FAM3C: variants seen among roughly 807,000 people sequenced by gnomAD.
The protein encoded by FAM3C is FAM3 metabolism regulating signaling molecule C.
Under a neutral mutation model 32.5 loss-of-function variants are expected in FAM3C, and 15 were observed. That is an observed-to-expected ratio of 0.46 (90% CI 0.31 to 0.71). The LOEUF (loss-of-function observed/expected upper bound fraction) is 0.71. Ranked by LOEUF, FAM3C falls within the 30% of genes least tolerant of loss-of-function variation. The probability of loss-of-function intolerance (pLI) is 0.05; values close to 1 mark genes in which losing one functional copy is unlikely to be tolerated. For missense variants in FAM3C, 175 were observed against 274.4 expected (o/e 0.64, Z 2.56); for synonymous variants, 75 against 86.1 (o/e 0.87, Z 0.72).
At chr7:121,374,597 C>T (rs1406189805) in intron 3 of FAM3C, among the ~76,000 whole-genome samples, 4 of 152,028 alleles carry the variant, frequency 2.6e-5, no homozygotes, top group Admixed American at 2.0e-4. Context: ...AAACAAATGA[C>T]GAAGATAACC....
At chr7:121,359,839 G>A (rs1793884421) in intron 8 of FAM3C, among the ~76,000 whole-genome samples, 1 of 151,990 alleles carries the variant, frequency 6.6e-6, no homozygotes, top group African/African-American at 2.4e-5. Flanking sequence ...CATATGATGT[G>A]ATTCTAATTT....
chr7:121,368,186 T>G (rs1794062266), intron 5 of FAM3C, among the ~76,000 whole-genome samples: 1 of 152,176 alleles, frequency 6.6e-6, no homozygotes, highest in South Asian at 2.1e-4. Flanking sequence ...ACCCAGCCTC[T>G]CATTTTAAGA....
chr7:121,381,342 T>C (rs1584705105), intron 2 of FAM3C, among the ~76,000 whole-genome samples: 2 of 152,094 alleles, frequency 1.3e-5, no homozygotes, highest in Non-Finnish European at 2.9e-5. Flanking sequence ...GATTAATTAG[T>C]TAAAAGCAAT....
intron 8 of FAM3C, among the ~76,000 whole-genome samples, chr7:121,352,082 C>T (rs1241844287): frequency 6.6e-6 from 1 of 152,130 alleles, no homozygotes; most frequent in Non-Finnish European, 1.5e-5. Context: ...GTCCTATATA[C>T]TGCGCAAAAG....
intron 2 of FAM3C, among the ~76,000 whole-genome samples, chr7:121,382,086 G>A (rs1014113131): frequency 5.9e-5 from 9 of 152,132 alleles, no homozygotes; most frequent in Admixed American, 1.3e-4. Flanking sequence ...TTGGGCACAC[G>A]CTTAGTAGAA....
intron 6 of FAM3C, among the ~76,000 whole-genome samples, chr7:121,363,554 CTTA>C (rs1269008392): frequency 6.6e-6 from 1 of 152,084 alleles, no homozygotes. Flanking sequence ...TCCTATATAT[CTTA>C]TAACCATCCT....
At chr7:121,354,479 G>C (rs1472309866) in intron 8 of FAM3C, among the ~76,000 whole-genome samples, 5 of 152,198 alleles carry the variant, frequency 3.3e-5, no homozygotes, top group Admixed American at 3.3e-4. Flanking sequence ...GAGGAAGTGG[G>C]AACTGGACAC....
At chr7:121,387,093 G>C (rs953616052) in intron 1 of FAM3C, among the ~76,000 whole-genome samples, 4 of 152,060 alleles carry the variant, frequency 2.6e-5, no homozygotes, top group African/African-American at 7.2e-5. Flanking sequence ...AGCAACCATA[G>C]CCAACATGTG....
chr7:121,378,711 A>AACAG (rs1794290062), intron 3 of FAM3C, among the ~76,000 whole-genome samples, 199 bp downstream of exon 3: 1 of 110,224 alleles, frequency 9.1e-6, no homozygotes, highest in African/African-American at 4.2e-5. Flanking sequence ...CAAAATGTTG[A>AACAG]ATAGAAGATT....
chr7:121,381,102 C>T (rs995795829), intron 2 of FAM3C, among the ~76,000 whole-genome samples: 3 of 152,136 alleles, frequency 2.0e-5, no homozygotes, highest in African/African-American at 7.2e-5. Context: ...GACTCCAGGA[C>T]CAGCATCCCA....
chr7:121,392,665 G>A (rs1794601024), intron 1 of FAM3C, among the ~76,000 whole-genome samples: 1 of 152,136 alleles, frequency 6.6e-6, no homozygotes, highest in Non-Finnish European at 1.5e-5. Flanking sequence ...TGATATGTTA[G>A]GTAGCACACC....
intron 1 of FAM3C, among the ~76,000 whole-genome samples, chr7:121,388,771 C>G (rs1004384025): frequency 6.6e-6 from 1 of 151,972 alleles, no homozygotes; most frequent in African/African-American, 2.4e-5. Flanking sequence ...GGCTAAGAAA[C>G]AGAAATAGAA....
chr7:121,356,313 G>A (rs1793807225), intron 8 of FAM3C, among the ~76,000 whole-genome samples: 9 of 152,066 alleles, frequency 5.9e-5, no homozygotes, highest in Admixed American at 5.9e-4. Flanking sequence ...AAGAAATATA[G>A]CCAGGAAGAT....
intron 6 of FAM3C, among the ~76,000 whole-genome samples, chr7:121,363,443 C>T (rs1358059360): frequency 7.2e-5 from 11 of 152,098 alleles, no homozygotes; most frequent in South Asian, 2.1e-4. Context: ...AACCTTTTAC[C>T]TAAGGAAATG....
intron 1 of FAM3C, among the ~76,000 whole-genome samples, chr7:121,386,858 C>CA (rs1233280325): frequency 6.6e-6 from 1 of 151,922 alleles, no homozygotes; most frequent in Non-Finnish European, 1.5e-5. Context: ...TGCTACAACT[C>CA]AAAGAGTCAC....
chr7:121,367,722 T>C (rs926887911), intron 5 of FAM3C, among the ~76,000 whole-genome samples: 9 of 152,082 alleles, frequency 5.9e-5, no homozygotes, highest in Non-Finnish European at 1.3e-4. Flanking sequence ...ATCCCAGCAC[T>C]TTGGGAGGCT....
chr7:121,385,176 T>C (rs1022794027), intron 1 of FAM3C, among the ~76,000 whole-genome samples: 2 of 152,116 alleles, frequency 1.3e-5, no homozygotes, highest in Non-Finnish European at 2.9e-5. Flanking sequence ...TATATAAGTA[T>C]GTTCATTAAA....
intron 8 of FAM3C, among the ~76,000 whole-genome samples, chr7:121,359,196 AAAG>A (rs1793874755): frequency 6.6e-6 from 1 of 152,036 alleles, no homozygotes; most frequent in African/African-American, 2.4e-5. Context: ...ACTTTAAAAA[AAAG>A]AAGTCTATCT....
chr7:121,354,478 G>T (rs1793769390), intron 8 of FAM3C, among the ~76,000 whole-genome samples: 1 of 152,174 alleles, frequency 6.6e-6, no homozygotes, highest in South Asian at 2.1e-4. Flanking sequence ...GGAGGAAGTG[G>T]GAACTGGACA....
Sources: gnomAD v4.1 joint callset for allele counts (sites outside exome capture counted in the v4.1 genomes callset) on GRCh38, gnomAD v4.1.1 for gene constraint, MANE v1.5 for transcripts, NCBI Gene and HGNC (gene_info 2026-07-23, HGNC 2026-07-21) for gene names.